ARHGEF10: variants seen among roughly 807,000 people sequenced by gnomAD.
ARHGEF10 encodes Rho guanine nucleotide exchange factor 10, also known as Rho guanine nucleotide exchange factor (GEF) 10.
ARHGEF10 carries 140 observed loss-of-function variants against 147.4 expected under a neutral mutation model. The ratio of observed to expected loss-of-function variants is 0.95; its 90% CI spans 0.83 to 1.09. ARHGEF10 has a LOEUF of 1.09. Ranked by LOEUF, ARHGEF10 falls within the 50% of genes least tolerant of loss-of-function variation. ARHGEF10 has a pLI of 0.00. For missense variants in ARHGEF10, 2,222 were observed against 1,752.7 expected (o/e 1.27, Z -4.78); for synonymous variants, 902 against 695.8 (o/e 1.30, Z -4.67).
intron 9 of ARHGEF10, among the ~76,000 whole-genome samples, chr8:1,881,197 C>T (rs1210987854): frequency 6.6e-6 from 1 of 152,188 alleles, no homozygotes; most frequent in Non-Finnish European, 1.5e-5. Flanking sequence ...CTCGCTTCCC[C>T]TGGTGAGAAC....
intron 11 of ARHGEF10, among the ~76,000 whole-genome samples, chr8:1,888,867 G>A (rs1201824064): frequency 1.0e-4 from 13 of 130,214 alleles, no homozygotes; most frequent in African/African-American, 3.4e-4. Flanking sequence ...GAGACACTGA[G>A]TGGGGTGAGA....
At chr8:1,873,647 G>C (rs113371479) in intron 7 of ARHGEF10, among the ~76,000 whole-genome samples, 1,073 of 91,272 alleles carry the variant, frequency 0.012, 13 homozygotes, top group African/African-American at 0.035. Context: ...TAGTTGCCTT[G>C]AGAGGTGCCG....
At chr8:1,942,386 A>T (rs538310580) in intron 26 of ARHGEF10, among the ~76,000 whole-genome samples, 13 of 152,008 alleles carry the variant, frequency 8.6e-5, no homozygotes, top group African/African-American at 3.1e-4. Flanking sequence ...TTAGGGAATC[A>T]TGGAGCGAAA....
At chr8:1,848,341 G>A (rs969425328) in intron 2 of ARHGEF10, among the ~76,000 whole-genome samples, 1 of 152,116 alleles carries the variant, frequency 6.6e-6, no homozygotes, top group Non-Finnish European at 1.5e-5. Context: ...TTCTATAGAC[G>A]AGGGATGGGG....
chr8:1,909,535 T>A, intron 18 of ARHGEF10, 65 bp downstream of exon 18: 1 of 1,598,106 alleles, frequency 6.3e-7, no homozygotes, highest in South Asian at 1.1e-5. Flanking sequence ...TCATGCTAGC[T>A]GTGGGGCCAG....
At chr8:1,874,612 G>A (rs530785947) in intron 7 of ARHGEF10, among the ~76,000 whole-genome samples, 22 of 152,164 alleles carry the variant, frequency 1.4e-4, no homozygotes, top group East Asian at 5.8e-4. Flanking sequence ...GGTGTGTAGC[G>A]GGTGGAGGTT....
chr8:1,929,500 G>C (rs1006828053), intron 25 of ARHGEF10, 57 bp downstream of exon 25: 75 of 1,541,644 alleles, frequency 4.9e-5, no homozygotes, highest in Non-Finnish European at 6.1e-5. Flanking sequence ...AGGGGACTGT[G>C]CATCCGGTTT....
At position 1,956,848 on chromosome 8, in the gene ARHGEF10, G is replaced by C. The variant is rs751373354; in HGVS notation, c.3620G>C (p.Ser1207Thr). The C allele has an allele frequency of 3.3e-5, 54 of 1,613,942 alleles. No individual in the cohort carries two copies. The highest frequency in any genetic ancestry group is 4.2e-5 in the Non-Finnish European group (50 of 1,180,036). The change falls in exon 29 of 29, where the codon AGC becomes ACC. Residue 1207 changes from serine (S) to threonine (T), a missense_variant. Coordinates refer to ENST00000349830, the MANE Select transcript of ARHGEF10 (RefSeq NM_014629.4). ...AAAGACAAGGACAAATCCAGGGACA[G>C]CCTGGCTCCTGGCCCCGAGCCTCAG... Reference protein sequence around the residue: ...HEKDKDKSRDSLAPGPEPQDE... With the variant: ...HEKDKDKSRDTLAPGPEPQDE...
At chr8:1,885,455 C>T (rs1289347211) in intron 10 of ARHGEF10, 146 bp from the exon 11 acceptor site, 17 of 639,072 alleles carry the variant, frequency 2.7e-5, no homozygotes, top group African/African-American at 1.3e-4. Context: ...GTTAAAAATT[C>T]AACTTAATAA....
chr8:1,842,046 G>T (rs187830420), intron 1 of ARHGEF10, among the ~76,000 whole-genome samples: 1,247 of 109,624 alleles, frequency 0.011, 33 homozygotes, highest in East Asian at 0.028. Context: ...GGGAACTGGG[G>T]CCGCGGCGGG....
intron 1 of ARHGEF10, chr8:1,825,906 A>AT: frequency 1.7e-6 from 1 of 605,450 alleles, no homozygotes; most frequent in Non-Finnish European, 2.9e-6. Flanking sequence ...AGGAGGAACA[A>AT]TTTCACTGTT....
intron 15 of ARHGEF10, among the ~76,000 whole-genome samples, chr8:1,901,494 C>T (rs141054115): frequency 7.2e-5 from 11 of 152,214 alleles, no homozygotes; most frequent in Admixed American, 1.3e-4. Context: ...CATCCATTGG[C>T]CCTGTGACAT....
intron 5 of ARHGEF10, among the ~76,000 whole-genome samples, chr8:1,865,875 G>A (rs530326250): frequency 3.9e-5 from 6 of 152,316 alleles, no homozygotes; most frequent in African/African-American, 1.2e-4. Context: ...ACGCGGTGTC[G>A]GGACGACTGA....
intron 15 of ARHGEF10, among the ~76,000 whole-genome samples, chr8:1,901,466 CT>C (rs1486871236): frequency 6.6e-6 from 1 of 152,244 alleles, no homozygotes; most frequent in African/African-American, 2.4e-5. Flanking sequence ...CTGTCAGTTT[CT>C]CCCATGGATC....
intron 1 of ARHGEF10, among the ~76,000 whole-genome samples, chr8:1,835,755 C>T (rs1449055590): frequency 2.6e-5 from 4 of 152,176 alleles, no homozygotes; most frequent in South Asian, 2.1e-4. Flanking sequence ...CGTCAGGGAG[C>T]GCAGTGGCTG....
chr8:1,887,486 G>GTGGGGTGTGAGGGGTCTGTGAGGAGACAC (rs1563231990), intron 11 of ARHGEF10, among the ~76,000 whole-genome samples: 26 of 100,196 alleles, frequency 2.6e-4, no homozygotes, highest in Admixed American at 1.2e-3. Flanking sequence ...GAGACACTGA[G>GTGGGGTGTGAGGGGTCTGTGAGGAGACAC]TGGGGTGTGA....
chr8:1,913,349 G>C (rs1331021703), intron 18 of ARHGEF10, among the ~76,000 whole-genome samples: 1 of 152,178 alleles, frequency 6.6e-6, no homozygotes, highest in Non-Finnish European at 1.5e-5. Flanking sequence ...TCAGTGTACA[G>C]GTGAAGTTCT....
At chr8:1,832,725 GAGACAGAGGC>G (rs1563148453) in intron 1 of ARHGEF10, among the ~76,000 whole-genome samples, 2 of 126,286 alleles carry the variant, frequency 1.6e-5, no homozygotes, top group Non-Finnish European at 3.3e-5. Context: ...GAGGCAGAGA[GAGACAGAGGC>G]AGAGGCAGAG....
rs190710839 is a variant in ARHGEF10 at position 1,939,248 on chromosome 8, G to C, written c.3222+5306G>C. Among the ~76,000 whole-genome samples the C allele has an allele frequency of 1.9e-3, 288 of 152,382 alleles. 1 individual carries two copies. Among genetic ancestry groups the C allele is most frequent in the African/African-American group, 6.8e-3 (283 of 41,594 alleles). ...TCTTATTTTCGAGAACCAAGGCTTAGAGAAAGGAGAAGCCATGCCCAACAT... is the reference window on the plus strand; with the variant it reads ...TCTTATTTTCGAGAACCAAGGCTTACAGAAAGGAGAAGCCATGCCCAACAT... On this transcript the variant is annotated intron_variant, in intron 26 of 28. Transcript: ENST00000349830.
Sources: gnomAD v4.1 joint callset for allele counts (sites outside exome capture counted in the v4.1 genomes callset) on GRCh38, gnomAD v4.1.1 for gene constraint, MANE v1.5 for transcripts, NCBI Gene and HGNC (gene_info 2026-07-23, HGNC 2026-07-21) for gene names.